Variants in KCNN2 observed in about 807,000 individuals in gnomAD.
KCNN2 encodes the protein potassium calcium-activated channel subfamily N member 2.
Under a neutral mutation model 55.5 loss-of-function variants are expected in KCNN2, and 24 were observed. That is an observed-to-expected ratio of 0.43 (90% CI 0.31 to 0.61). The LOEUF is 0.61. KCNN2 is among the 20% of genes least tolerant of loss of function. The pLI, the probability that KCNN2 is intolerant of heterozygous loss-of-function variation, is 0.08. For missense variants in KCNN2, 754 were observed against 853.6 expected (o/e 0.88, Z 1.45); for synonymous variants, 431 against 336.1 (o/e 1.28, Z -3.09).
chr5:114,335,466 CTT>C (rs976867357), intron 2 of KCNN2, among the ~76,000 whole-genome samples: 1 of 152,184 alleles, frequency 6.6e-6, no homozygotes, highest in Non-Finnish European at 1.5e-5. Flanking sequence ...TCACAAAACT[CTT>C]AAATGCTTTC....
Position 114,449,869 on chromosome 5 carries a change from C to T in KCNN2, c.1638-13180C>T, listed in dbSNP as rs561475493. Among the ~76,000 whole-genome samples, 480 of 119,312 alleles carry T rather than the reference C, an allele frequency of 4.0e-3. 4 individuals are homozygous for T. Among genetic ancestry groups the T allele is most frequent in the African/African-American group, 0.014 (468 of 32,918 alleles). 78.3% of individuals were successfully genotyped at this position (119,312 alleles called of 152,430 possible). A position where few individuals can be genotyped will look rare whatever the true frequency, so the allele number is the denominator to read the frequency against. ...TAGATTGGATTTAGAATAGAGTAAG[C>T]ATCCAAACATACACACACACACACA... On this transcript the variant is annotated intron_variant, in intron 3 of 7. Transcript: ENST00000673685.
intron 2 of KCNN2, among the ~76,000 whole-genome samples, chr5:114,352,404 G>A (rs1022218426): frequency 2.0e-5 from 3 of 148,120 alleles, no homozygotes; most frequent in Non-Finnish European, 3.0e-5. Flanking sequence ...GATATGTTCT[G>A]TTTTTTATTG....
chr5:114,159,325 A>G (rs1159278507), intron 1 of KCNN2, among the ~76,000 whole-genome samples: 1 of 152,166 alleles, frequency 6.6e-6, no homozygotes, highest in Non-Finnish European at 1.5e-5. Context: ...TCATATATTG[A>G]ACCAGCCTTG....
chr5:114,059,371 G>A (rs1750278809), intron 1 of KCNN2, among the ~76,000 whole-genome samples: 1 of 152,192 alleles, frequency 6.6e-6, no homozygotes, highest in Non-Finnish European at 1.5e-5. Flanking sequence ...TGAGACATGA[G>A]TATGAAGCTT....
At chr5:114,369,972 A>G (rs1757715160) in intron 2 of KCNN2, among the ~76,000 whole-genome samples, 2 of 152,224 alleles carry the variant, frequency 1.3e-5, no homozygotes, top group East Asian at 3.9e-4. Flanking sequence ...TTAACTTCAG[A>G]GAAGTTATAT....
intron 1 of KCNN2, among the ~76,000 whole-genome samples, chr5:114,063,672 C>T (rs1477909944): frequency 6.6e-6 from 1 of 152,108 alleles, no homozygotes; most frequent in African/African-American, 2.4e-5. Context: ...ACTAGTCCAC[C>T]AGAGGGAGAT....
At chr5:114,191,384 T>C (rs369159229) in intron 1 of KCNN2, among the ~76,000 whole-genome samples, 3 of 152,152 alleles carry the variant, frequency 2.0e-5, no homozygotes, top group African/African-American at 7.2e-5. Context: ...AAATAAAAAA[T>C]TATTTATGTA....
chr5:114,276,920 G>T (rs190662373), intron 2 of KCNN2, among the ~76,000 whole-genome samples: 1 of 152,232 alleles, frequency 6.6e-6, no homozygotes, highest in Admixed American at 6.5e-5. Flanking sequence ...GATGCAAACA[G>T]TTTCTTCATA....
At chr5:114,459,991 T>A (rs1350156279) in intron 3 of KCNN2, among the ~76,000 whole-genome samples, 1 of 152,196 alleles carries the variant, frequency 6.6e-6, no homozygotes, top group Non-Finnish European at 1.5e-5. Context: ...TGTTCCAGTG[T>A]ATGCTTTTCA....
chr5:114,183,718 T>G (rs1753279537), intron 1 of KCNN2, among the ~76,000 whole-genome samples: 1 of 151,982 alleles, frequency 6.6e-6, no homozygotes, highest in African/African-American at 2.4e-5. Context: ...TGGTAATTGT[T>G]GTACTCTCCT....
chr5:114,069,929 G>C (rs566354846), intron 1 of KCNN2, among the ~76,000 whole-genome samples: 1 of 152,298 alleles, frequency 6.6e-6, no homozygotes, highest in Admixed American at 6.5e-5. Flanking sequence ...TATTACAACT[G>C]CACTGACTAT....
chr5:114,366,255 T>C (rs1757596507), intron 2 of KCNN2, among the ~76,000 whole-genome samples: 1 of 152,206 alleles, frequency 6.6e-6, no homozygotes, highest in African/African-American at 2.4e-5. Flanking sequence ...CCACGGCAAA[T>C]ATGCACAGTG....
At position 114,362,810 on chromosome 5, in the gene KCNN2, G is replaced by A; in HGVS notation, c.671G>A (p.Arg224Gln). The A allele has an allele frequency of 6.3e-7, 1 of 1,597,736 alleles. No homozygotes were observed. The highest frequency in any genetic ancestry group is 8.5e-7 in the Non-Finnish European group (1 of 1,177,374). Residue 224 changes from arginine (R) to glutamine (Q), a missense_variant, in exon 1 of 8, where the codon CGG becomes CAG. Around this residue, in one of 4 missense-constraint regions of KCNN2, gnomAD observed 381 missense variants for 259.1 expected, o/e 1.47. Coordinates refer to ENST00000673685, the MANE Select transcript of KCNN2 (RefSeq NM_021614.4). ...SSCRYNGGVM[R>Q]PLSNLSASRR... ...TGCAGGTACAACGGGGGCGTCATGC[G>A]GCCGCTCAGCAACTTGAGCGCGTCC...
chr5:114,299,673 C>T (rs1388325569), intron 2 of KCNN2, among the ~76,000 whole-genome samples: 1 of 152,150 alleles, frequency 6.6e-6, no homozygotes, highest in Non-Finnish European at 1.5e-5. Flanking sequence ...GCACTGGCAA[C>T]CACTGCTTAT....
chr5:114,404,592 C>T lies in KCNN2; in HGVS notation c.1373C>T (p.Ala458Val), dbSNP rs765448072. ...ACGGCCCGGCTTGCCTTCTCCTATG[C>T]CCCATCCACAACCACCGCTGATGTG... ...TWTARLAFSYAPSTTTADVDI... is the reference protein window; with the variant it reads ...TWTARLAFSYVPSTTTADVDI... Residue 458 changes from alanine to valine, a missense_variant, in exon 3 of 8, where the codon GCC becomes GTC. By Grantham distance (64) the Ala-to-Val change is moderately conservative. This residue lies in a region of KCNN2 where 123 missense variants were observed against 204.9 expected (regional missense o/e 0.60). Transcript: ENST00000673685. 2 of 1,613,802 alleles carry T rather than the reference C, an allele frequency of 1.2e-6. No homozygotes were observed. The highest frequency in any genetic ancestry group is 4.5e-5 in the East Asian group (2 of 44,872).
chr5:114,118,824 CTGA>C (rs1751772735), intron 1 of KCNN2, among the ~76,000 whole-genome samples: 1 of 152,158 alleles, frequency 6.6e-6, no homozygotes, highest in South Asian at 2.1e-4. Context: ...CAGGGCACAG[CTGA>C]TGATGTCCTT....
chr5:114,075,409 A>G (rs10045009), intron 1 of KCNN2, among the ~76,000 whole-genome samples: 1,689 of 152,312 alleles, frequency 0.011, 45 homozygotes, highest in African/African-American at 0.038. Context: ...TTGCTAAAAA[A>G]TTTCCAATTT....
intron 1 of KCNN2, among the ~76,000 whole-genome samples, chr5:114,194,669 G>A (rs1458528828): frequency 6.6e-6 from 1 of 152,032 alleles, no homozygotes; most frequent in Middle Eastern, 3.4e-3. Context: ...ATTTATTGAT[G>A]TTATTATTTG....
intron 2 of KCNN2, among the ~76,000 whole-genome samples, chr5:114,238,686 A>G (rs972659495): frequency 2.0e-5 from 3 of 152,122 alleles, no homozygotes; most frequent in Admixed American, 6.5e-5. Flanking sequence ...TCTAAAAAAC[A>G]ATTTATTGGA....
Sources: allele counts gnomAD v4.1 joint callset (sites outside exome capture counted in the v4.1 genomes callset), GRCh38; gene constraint gnomAD v4.1.1; regional missense constraint gnomAD v4.1.1; transcripts MANE v1.5; gene names NCBI Gene and HGNC (gene_info 2026-07-23, HGNC 2026-07-21).